The following RB1 variants were observed in gnomAD, a reference collection of about 807,000 sequenced individuals.
RB1 encodes retinoblastoma-associated protein.
Under a neutral mutation model 135.4 loss-of-function variants are expected in RB1, and 18 were observed. The observed-to-expected ratio is 0.13, with a 90% CI of 0.09 to 0.20. The LOEUF (loss-of-function observed/expected upper bound fraction) is 0.20. RB1 is among the 10% of genes least tolerant of loss of function. The pLI is 1.00. For synonymous variants in RB1, 365 were observed against 373.2 expected (o/e 0.98, Z 0.25); for missense variants, 868 against 1,110.0 (o/e 0.78, Z 3.10).
intron 6 of RB1, among the ~76,000 whole-genome samples, chr13:48,359,725 T>G (rs937102271): frequency 6.6e-6 from 1 of 151,130 alleles, no homozygotes; most frequent in Non-Finnish European, 1.5e-5. Context: ...AAATTTATAG[T>G]GATTTTAGAC....
At chr13:48,452,888 G>A in intron 17 of RB1, 105 bp from the exon 18 acceptor site, 1 of 1,495,298 alleles carries the variant, frequency 6.7e-7, no homozygotes, top group Admixed American at 1.9e-5. Flanking sequence ...TGTCAATTGT[G>A]CCTAAAATTC....
intron 23 of RB1, among the ~76,000 whole-genome samples, chr13:48,465,648 G>A (rs930361174): frequency 6.6e-6 from 1 of 151,596 alleles, no homozygotes; most frequent in African/African-American, 2.4e-5. Flanking sequence ...CTGAGGTACC[G>A]GGTTCATCTC....
chr13:48,320,399 TA>T, intron 2 of RB1: 1 of 1,158,516 alleles, frequency 8.6e-7, no homozygotes. Context: ...CCGGGGAACC[TA>T]AAGCTCCCTG....
intron 24 of RB1, among the ~76,000 whole-genome samples, 159 bp downstream of exon 24, chr13:48,473,549 T>A (rs536842808): frequency 1.8e-4 from 27 of 152,290 alleles, no homozygotes; most frequent in African/African-American, 6.5e-4. Context: ...AGATTTACTT[T>A]CAAATCAAGT....
chr13:48,340,240 T>C (rs1253487789), intron 2 of RB1, among the ~76,000 whole-genome samples: 2 of 152,106 alleles, frequency 1.3e-5, no homozygotes, highest in African/African-American at 4.8e-5. Context: ...CATAGATACC[T>C]ACCACTGAAA....
At chr13:48,439,983 A>G (rs1271760957) in intron 17 of RB1, among the ~76,000 whole-genome samples, 1 of 152,128 alleles carries the variant, frequency 6.6e-6, no homozygotes. Flanking sequence ...TATATACATA[A>G]GTCTAAATAT....
At chr13:48,456,145 G>A (rs2138330752) in intron 18 of RB1, 59 bp from the exon 19 acceptor site, 1 of 1,606,604 alleles carries the variant, frequency 6.2e-7, no homozygotes, top group Non-Finnish European at 8.5e-7. Context: ...TGAAGTGTAT[G>A]TATAATCTGT....
In RB1 at chr13:48,319,426, G is replaced by A. The variant is rs1160007688; in HGVS notation, c.264+12020G>A. ...CTGGAGTCTGACGCCTCGGGCGCCT[G>A]CGCCGCACTTGTGACTTGCTTTCCC... On this transcript the variant is annotated intron_variant, in intron 2 of 26. Transcript: ENST00000267163. This position sits in a 1 kb window ranked among gnomAD's most constrained non-coding sequence, Gnocchi z 5.0. 2.7e-6 allele frequency: 1 copy of A among 372,428 alleles called. No individual in the cohort carries two copies. The highest frequency in any genetic ancestry group is 5.0e-6 in the Non-Finnish European group (1 of 198,338). The allele number at this position is 372,428 out of a possible 1,614,324, so 23.1% of individuals were successfully genotyped here. A position where few individuals can be genotyped will look rare whatever the true frequency, so the allele number is the denominator to read the frequency against.
In RB1 at chr13:48,381,287, T is replaced by A. The variant is rs757978250; in HGVS notation, c.1539T>A (p.Ser513=). ...SQNLDSGTDL[S]FPWILNVLNL... ...ATCTTGATTCTGGAACAGATTTGTC[T>A]TTCCCATGGATTCTGAATGTGCTTA... Residue 513 remains serine (S), a synonymous_variant, in exon 17 of 27, where the codon TCT becomes TCA. Transcript: ENST00000267163. 6.2e-7 allele frequency: 1 copy of A among 1,612,236 alleles called. No homozygotes were observed.
Position 48,470,747 on chromosome 13 carries a change from A to C in RB1, c.2490-2613A>C, listed in dbSNP as rs1593542628. On this transcript the variant is annotated intron_variant, in intron 23 of 26. Transcript: ENST00000267163. ...AAACAACCCTATCAAAAAGTGGGCGAAGGACATGAACAGACACTTCTCAAA... is the reference window on the plus strand; with the variant it reads ...AAACAACCCTATCAAAAAGTGGGCGCAGGACATGAACAGACACTTCTCAAA... Among the ~76,000 whole-genome samples the C allele has an allele frequency of 1.0e-4, 2 of 19,552 alleles. 1 individual carries two copies. The highest frequency in any genetic ancestry group is 1.3e-3 in the Admixed American group (2 of 1,512). 12.8% of individuals were successfully genotyped at this position (19,552 alleles called of 152,430 possible).
intron 24 of RB1, among the ~76,000 whole-genome samples, chr13:48,474,434 C>T (rs1448242150): frequency 6.6e-6 from 1 of 152,124 alleles, no homozygotes; most frequent in African/African-American, 2.4e-5. Context: ...GAACCAGGGA[C>T]AAAGACCAAA....
At chr13:48,417,024 T>C (rs1948923043) in intron 17 of RB1, 1 of 152,428 alleles carries the variant, frequency 6.6e-6, no homozygotes, top group African/African-American at 2.4e-5. Flanking sequence ...CGTTCCTGCC[T>C]GCTGGCTCTG....
intron 2 of RB1, among the ~76,000 whole-genome samples, 176 bp downstream of exon 2, chr13:48,307,582 C>T (rs549126809): frequency 8.3e-4 from 126 of 151,434 alleles, no homozygotes; most frequent in African/African-American, 2.5e-3. Flanking sequence ...AGGCCGGGCA[C>T]GGTGGTTCAT....
At chr13:48,318,117 G>A in intron 2 of RB1, 2 of 517,308 alleles carry the variant, frequency 3.9e-6, no homozygotes, top group Non-Finnish European at 7.0e-6. Flanking sequence ...TCGGAAGGCC[G>A]GGGCCGTGTC....
At chr13:48,463,366 A>G (rs1949417381) in intron 20 of RB1, among the ~76,000 whole-genome samples, 1 of 152,132 alleles carries the variant, frequency 6.6e-6, no homozygotes, top group African/African-American at 2.4e-5. Flanking sequence ...GTTCAATATT[A>G]TTTTATCTAA....
chr13:48,450,419 A>C (rs868590683), intron 17 of RB1, among the ~76,000 whole-genome samples: 13 of 152,146 alleles, frequency 8.5e-5, no homozygotes, highest in Non-Finnish European at 1.2e-4. Flanking sequence ...TTAATAGGGA[A>C]TGCTTTCTCC....
rs191817184 is a variant in RB1 at position 48,320,246 on chromosome 13, C to T, written c.264+12840C>T. 234 of 1,127,134 alleles carry T rather than the reference C, an allele frequency of 2.1e-4. No homozygotes were observed. In the East Asian group the frequency reaches 4.2e-3, roughly 20 times the overall value. 69.8% of individuals were successfully genotyped at this position (1,127,134 alleles called of 1,614,324 possible). On this transcript the variant is annotated intron_variant, in intron 2 of 26. Coordinates refer to ENST00000267163, the MANE Select transcript of RB1 (RefSeq NM_000321.3). ...ACGGTGGGCTTGGCAGCTGGCTTGG[C>T]GTCTGCCCTGTGGCCCCTCTGTGCA...
chr13:48,399,048 GT>G (rs1167977724), intron 17 of RB1, among the ~76,000 whole-genome samples: 3 of 152,108 alleles, frequency 2.0e-5, no homozygotes, highest in African/African-American at 7.2e-5. Context: ...ATGCATATAT[GT>G]TTCATTCATG....
chr13:48,316,097 AC>A, intron 2 of RB1, among the ~76,000 whole-genome samples: 1 of 152,286 alleles, frequency 6.6e-6, no homozygotes, highest in African/African-American at 2.4e-5. Flanking sequence ...ACATGAATCC[AC>A]CCAGGCCCAG....
Sources: gnomAD v4.1 joint callset for allele counts (sites outside exome capture counted in the v4.1 genomes callset) on GRCh38, gnomAD v4.1.1 for gene constraint, Gnocchi (gnomAD v3.1) non-coding constraint, MANE v1.5 for transcripts, NCBI Gene and HGNC (gene_info 2026-07-23, HGNC 2026-07-21) for gene names.